Variants in VEPH1 observed in about 807,000 individuals in gnomAD.
VEPH1 encodes the protein ventricular zone-expressed PH domain-containing protein homolog 1.
A neutral mutation model predicts 85.2 loss-of-function variants in VEPH1; 80 were observed. That is an observed-to-expected ratio of 0.94 (90% CI 0.78 to 1.13). The LOEUF (loss-of-function observed/expected upper bound fraction) is 1.13, where lower values mean the gene tolerates loss of function less well. VEPH1 is among the 50% of genes most tolerant of loss of function. The pLI is 0.00. For missense variants in VEPH1, 955 were observed against 980.5 expected, an observed-to-expected ratio of 0.97 and a Z score of 0.35; for synonymous variants, 297 against 348.0, an observed-to-expected ratio of 0.85 and a Z score of 1.63.
chr3:157,304,931 A>G (rs898628810), intron 11 of VEPH1, among the ~76,000 whole-genome samples: 1 of 152,050 alleles, frequency 6.6e-6, no homozygotes, highest in Non-Finnish European at 1.5e-5. Flanking sequence ...TGTGTTTCAT[A>G]TCATTAAACA....
At chr3:157,483,778 G>T (rs1433591493) in intron 2 of VEPH1, among the ~76,000 whole-genome samples, 1 of 152,116 alleles carries the variant, frequency 6.6e-6, no homozygotes, top group Non-Finnish European at 1.5e-5. Context: ...CGATGATTTT[G>T]TCTGTTCTTT....
intron 4 of VEPH1, among the ~76,000 whole-genome samples, chr3:157,447,993 T>C (rs904116300): frequency 3.3e-5 from 5 of 151,998 alleles, no homozygotes; most frequent in African/African-American, 4.8e-5. Flanking sequence ...ATGATGATGA[T>C]AGAAATCATG....
intron 9 of VEPH1, among the ~76,000 whole-genome samples, chr3:157,361,433 A>T (rs1041511115): frequency 6.6e-6 from 1 of 152,232 alleles, no homozygotes. Context: ...AGAAAGTAGA[A>T]TATGGAAAAA....
intron 2 of VEPH1, among the ~76,000 whole-genome samples, chr3:157,478,149 A>G (rs960121991): frequency 6.6e-6 from 1 of 152,144 alleles, no homozygotes; most frequent in African/African-American, 2.4e-5. Context: ...TGCTCCTCCC[A>G]TTGGACAACC....
chr3:157,438,624 C>A (rs1280296909), intron 4 of VEPH1, among the ~76,000 whole-genome samples: 1 of 152,078 alleles, frequency 6.6e-6, no homozygotes, highest in African/African-American at 2.4e-5. Context: ...GGGATCCCAG[C>A]TCCACCCCAG....
At chr3:157,369,356 C>A (rs373216056) in intron 7 of VEPH1, among the ~76,000 whole-genome samples, 1 of 151,890 alleles carries the variant, frequency 6.6e-6, no homozygotes, top group Non-Finnish European at 1.5e-5. Context: ...TGCAAGGGAA[C>A]AAATATGAAG....
At chr3:157,261,409 T>TA (rs1403348461) in intron 13 of VEPH1, 39 bp from the exon 14 acceptor site, 1 of 1,605,280 alleles carries the variant, frequency 6.2e-7, no homozygotes, top group South Asian at 1.1e-5. Flanking sequence ...GGCTGGCTGT[T>TA]ACTGTAGGCA....
chr3:157,393,918 G>A (rs1323231814), intron 6 of VEPH1, among the ~76,000 whole-genome samples: 1 of 152,144 alleles, frequency 6.6e-6, no homozygotes, highest in Non-Finnish European at 1.5e-5. Context: ...GAGATATTAA[G>A]CCTTAAAATA....
chr3:157,364,303 C>A lies in VEPH1; in HGVS notation c.1337G>T (p.Arg446Met). The A allele has an allele frequency of 1.2e-6, 2 of 1,602,586 alleles. No individual in the cohort carries two copies. The highest frequency in any genetic ancestry group is 8.5e-7 in the Non-Finnish European group (1 of 1,172,694). ...AAAAAACAAACCAAACGAGTTATAC[C>A]TGTTAAATCTAATGTTTTTTCTTTC... ...KEERKNIRFNRSKSLAFHTML... is the reference protein window; with the variant it reads ...KEERKNIRFNMSKSLAFHTML... The change falls in exon 8 of 14, where the codon AGG becomes ATG. Residue 446 changes from arginine to methionine, a missense_variant and splice_region_variant. Transcript: ENST00000362010.
chr3:157,276,766 T>C (rs773942107), intron 12 of VEPH1, among the ~76,000 whole-genome samples: 1 of 152,192 alleles, frequency 6.6e-6, no homozygotes, highest in South Asian at 2.1e-4. Context: ...GATGGTAACC[T>C]GTTTAATAGT....
At chr3:157,265,812 C>G in intron 12 of VEPH1, 150 bp from the exon 13 acceptor site, 1 of 756,024 alleles carries the variant, frequency 1.3e-6, no homozygotes, top group Non-Finnish European at 2.0e-6. Context: ...ACCTTTCCTC[C>G]TTTGTCCCTA....
chr3:157,429,768 T>A (rs1311503236), intron 4 of VEPH1, among the ~76,000 whole-genome samples: 2 of 152,232 alleles, frequency 1.3e-5, no homozygotes, highest in Non-Finnish European at 2.9e-5. Context: ...ATACCCAATT[T>A]GTAAAGCCCA....
intron 4 of VEPH1, among the ~76,000 whole-genome samples, chr3:157,438,071 A>ACC (rs1553786716): frequency 6.8e-6 from 1 of 146,404 alleles, no homozygotes; most frequent in East Asian, 2.0e-4. Flanking sequence ...ACACACACAC[A>ACC]CCCCTATTTC....
At chr3:157,500,114 A>C (rs1421035941) in intron 1 of VEPH1, among the ~76,000 whole-genome samples, 1 of 152,162 alleles carries the variant, frequency 6.6e-6, no homozygotes, top group Non-Finnish European at 1.5e-5. Flanking sequence ...GTGGACCAGA[A>C]ATATTGGATT....
intron 2 of VEPH1, among the ~76,000 whole-genome samples, chr3:157,485,513 T>C (rs965195947): frequency 6.6e-6 from 1 of 152,116 alleles, no homozygotes; most frequent in African/African-American, 2.4e-5. Context: ...AAATAGAATA[T>C]ATAATCTTCA....
At chr3:157,312,513 G>A (rs1337948092) in intron 11 of VEPH1, among the ~76,000 whole-genome samples, 1 of 152,080 alleles carries the variant, frequency 6.6e-6, no homozygotes, top group Non-Finnish European at 1.5e-5. Flanking sequence ...CATATAAACA[G>A]CTTGGATTTG....
intron 13 of VEPH1, among the ~76,000 whole-genome samples, chr3:157,265,257 G>A (rs146205340): frequency 1.7e-4 from 26 of 152,248 alleles, no homozygotes; most frequent in African/African-American, 5.5e-4. Flanking sequence ...CAAAGGGCAC[G>A]GTGTCTGAGT....
rs968482965 is a variant in VEPH1, at chr3:157,435,842, T to C, written c.530-7354A>G. ...AAGTTTACTTTTAAAACATGATCCT[T>C]GCCTCGAAACCTTGTAGAATAATAT... On this transcript the variant is annotated intron_variant, in intron 4 of 13. Transcript: ENST00000362010. 2.0e-5 allele frequency among the ~76,000 whole-genome samples: 3 copies of C among 152,226 alleles called. No homozygotes were observed. In the East Asian group the frequency reaches 5.8e-4, roughly 29 times the overall value.
At chr3:157,500,127 T>C (rs1482758863) in intron 1 of VEPH1, among the ~76,000 whole-genome samples, 1 of 152,210 alleles carries the variant, frequency 6.6e-6, no homozygotes, top group East Asian at 1.9e-4. Context: ...ATTGGATTTG[T>C]ACTTTTAAAT....
Sources: gnomAD v4.1 joint callset for allele counts (sites outside exome capture counted in the v4.1 genomes callset) on GRCh38, gnomAD v4.1.1 for gene constraint, MANE v1.5 for transcripts, NCBI Gene and HGNC (gene_info 2026-07-23, HGNC 2026-07-21) for gene names.